The following ATXN3 variants were observed in gnomAD, a reference collection of about 807,000 sequenced individuals.
ATXN3 encodes the protein ataxin 3.
A neutral mutation model predicts 58.2 loss-of-function variants in ATXN3; 28 were observed. That is an observed-to-expected ratio of 0.48 (90% CI 0.36 to 0.66). The LOEUF (loss-of-function observed/expected upper bound fraction) is 0.66, where lower values mean the gene tolerates loss of function less well. ATXN3 is among the 30% of genes least tolerant of loss of function. The pLI, the probability that ATXN3 is intolerant of heterozygous loss-of-function variation, is 0.00. For synonymous variants in ATXN3, 113 were observed against 138.5 expected, an observed-to-expected ratio of 0.82 and a Z score of 1.29; for missense variants, 321 against 422.1, an observed-to-expected ratio of 0.76 and a Z score of 2.10.
At chr14:92,080,682 C>T (rs1260778920) in intron 9 of ATXN3, 15 of 370,814 alleles carry the variant, frequency 4.0e-5, no homozygotes, top group African/African-American at 2.3e-4. Context: ...TACAGGCGCA[C>T]GCTTCCATGC....
chr14:92,076,455 GA>G (rs374353802), intron 9 of ATXN3, among the ~76,000 whole-genome samples: 31,323 of 99,734 alleles, frequency 0.31, 3,353 homozygotes, highest in East Asian at 0.44. Flanking sequence ...TCTCAAAAAA[GA>G]AAAAAAAAAA....
At position 92,104,386 on chromosome 14, in the gene ATXN3, C is replaced by T. The variant is rs146706522; in HGVS notation, c.24+2143G>A. ...CAAACTACTGACCTCATGATCCGCC[C>T]GTCTGGGCCTCCCAAAGCACTGGTG... On this transcript the variant is annotated intron_variant, in intron 1 of 10. Coordinates refer to ENST00000644486, the MANE Select transcript of ATXN3 (RefSeq NM_004993.6). Among the ~76,000 whole-genome samples the T allele has an allele frequency of 2.0e-3, 298 of 152,210 alleles. 1 individual carries two copies. The highest frequency in any genetic ancestry group is 6.0e-3 in the African/African-American group (251 of 41,552).
At chr14:92,049,130 T>C (rs1014846231) in intron 1 of ATXN3, among the ~76,000 whole-genome samples, 4 of 152,096 alleles carry the variant, frequency 2.6e-5, no homozygotes, top group African/African-American at 9.7e-5. Flanking sequence ...GCTTTTAGGT[T>C]TTAGGTCAGG....
rs144550842 is a variant in ATXN3, at chr14:92,087,641, G to A, written c.475+1089C>T. On this transcript the variant is annotated intron_variant, in intron 6 of 10. Transcript: ENST00000644486. ...TGATGGAGGGAGAGAGGGGAAACAC[G>A]TTGAAGAATGCAATGGAGTGATTAT... Among the ~76,000 whole-genome samples the A allele has an allele frequency of 5.3e-5, 8 of 152,294 alleles. No individual in the cohort carries two copies. The East Asian group carries it at 9.6e-4, about 18-fold the overall frequency.
Position 92,096,849 on chromosome 14 carries a change from CA to C in ATXN3, c.25-12del. The C allele has an allele frequency of 1.9e-6, 3 of 1,607,754 alleles. No individual in the cohort carries two copies. Among genetic ancestry groups the C allele is most frequent in the Non-Finnish European group, 2.6e-6 (3 of 1,176,152 alleles). On this transcript the variant is annotated splice_polypyrimidine_tract_variant and intron_variant, in intron 1 of 10. Coordinates refer to ENST00000644486, the MANE Select transcript of ATXN3 (RefSeq NM_004993.6). The stretch of plus-strand genomic sequence containing the variant: ...AAGTGAGCCTTCTTGCTAATATTTC[CA>C]AAAGAAAAAATTAAAATGTGACTTG...
chr14:92,094,360 C>T (rs992685573), intron 3 of ATXN3, among the ~76,000 whole-genome samples: 1 of 152,314 alleles, frequency 6.6e-6, no homozygotes, highest in African/African-American at 2.4e-5. Context: ...GAAAACCACA[C>T]AATTCCTAAA....
intron 3 of ATXN3, among the ~76,000 whole-genome samples, chr14:92,095,375 C>A (rs1172682647): frequency 6.6e-6 from 1 of 151,922 alleles, no homozygotes; most frequent in African/African-American, 2.4e-5. Context: ...TCCCGAGTAG[C>A]TGGGATTACA....
At chr14:92,053,495 T>TC (rs2057455359), upstream of ATXN3, among the ~76,000 whole-genome samples, 2 of 150,800 alleles carry the variant, frequency 1.3e-5, no homozygotes, top group Middle Eastern at 3.2e-3. Flanking sequence ...TTTCTTTCTT[T>TC]TTTTTTTTTT....
intron 5 of ATXN3, among the ~76,000 whole-genome samples, chr14:92,091,229 T>A (rs2063718056): frequency 6.6e-6 from 1 of 152,084 alleles, no homozygotes; most frequent in Non-Finnish European, 1.5e-5. Context: ...GACGGACGGA[T>A]CACCTGAGGT....
chr14:92,075,484 T>C lies in ATXN3; in HGVS notation c.873-4431A>G, dbSNP rs188041208. Among the ~76,000 whole-genome samples, 140 of 152,342 alleles carry C rather than the reference T, an allele frequency of 9.2e-4. 3 individuals are homozygous for C. The highest frequency in any genetic ancestry group is 4.4e-5 in the Non-Finnish European group (3 of 68,038). On this transcript the variant is annotated intron_variant, in intron 9 of 10. Transcript: ENST00000644486. Reference sequence around the variant, plus strand: ...GCCCAGCCAAAACTAGTTTTTTTAATGCATGAAAACTATGATTACTTTATG... The same window carrying C: ...GCCCAGCCAAAACTAGTTTTTTTAACGCATGAAAACTATGATTACTTTATG...
At chr14:92,074,504 T>C (rs1290219129) in intron 9 of ATXN3, among the ~76,000 whole-genome samples, 1 of 152,228 alleles carries the variant, frequency 6.6e-6, no homozygotes. Context: ...GGCAGCTTTC[T>C]ATGCCAAGGA....
intron 4 of ATXN3, 187 bp downstream of exon 4, chr14:92,093,559 G>A (rs145536391): frequency 1.5e-3 from 984 of 638,914 alleles, no homozygotes; most frequent in Middle Eastern, 5.6e-3. Flanking sequence ...CAGACACTGG[G>A]GTGCCAGGAA....
intron 9 of ATXN3, among the ~76,000 whole-genome samples, chr14:92,076,533 G>C (rs1482753186): frequency 6.7e-6 from 1 of 149,808 alleles, no homozygotes. Flanking sequence ...TTAAGTAAAA[G>C]AGCAGTTTAT....
chr14:92,077,352 CTT>C (rs111249502), intron 9 of ATXN3, among the ~76,000 whole-genome samples: 12 of 147,422 alleles, frequency 8.1e-5, no homozygotes, highest in Admixed American at 1.4e-4. Flanking sequence ...AGTATGCTTT[CTT>C]TTTTTTTTTT....
chr14:92,062,716 A>C lies in ATXN3; in HGVS notation c.*1604T>G, dbSNP rs1462111055. 3 of 152,488 alleles carry C rather than the reference A, an allele frequency of 2.0e-5. No homozygotes were observed. Among genetic ancestry groups the C allele is most frequent in the Non-Finnish European group, 4.4e-5 (3 of 68,024 alleles). The allele number at this position is 152,488 out of a possible 1,614,324, so 9.4% of individuals were successfully genotyped here. ...GAAAACTGATTGGCACAAAATAATG[A>C]CTTAAAAAATCTGTTATATCGAAGA... is the stretch of plus-strand genomic sequence containing the variant. On this transcript the variant is annotated 3_prime_UTR_variant, in exon 11 of 11. Coordinates refer to ENST00000644486, the MANE Select transcript of ATXN3 (RefSeq NM_004993.6).
intron 7 of ATXN3, among the ~76,000 whole-genome samples, chr14:92,082,674 G>C (rs548985761): frequency 7.7e-4 from 112 of 146,120 alleles, no homozygotes; most frequent in African/African-American, 2.8e-3. Flanking sequence ...TTTGAGACAG[G>C]GTCTGACTCT....
chr14:92,094,341 G>A (rs543859927), intron 3 of ATXN3, among the ~76,000 whole-genome samples: 1 of 152,206 alleles, frequency 6.6e-6, no homozygotes, highest in South Asian at 2.1e-4. Context: ...AGGTCTCTGA[G>A]ATGTTCCAGA....
chr14:92,093,900 G>T, intron 3 of ATXN3, 69 bp from the exon 4 acceptor site: 4 of 881,404 alleles, frequency 4.5e-6, no homozygotes, highest in Non-Finnish European at 7.5e-6. Flanking sequence ...GTGTAGCTAT[G>T]TTAGTTGTGT....
Position 92,091,065 on chromosome 14 carries a change from G to A in ATXN3, c.387+2187C>T, listed in dbSNP as rs112737075. 5.2e-3 allele frequency among the ~76,000 whole-genome samples: 785 copies of A among 151,064 alleles called. 12 individuals carry two copies. The highest frequency in any genetic ancestry group is 0.036 in the South Asian group (169 of 4,746). On this transcript the variant is annotated intron_variant, in intron 5 of 10. Coordinates refer to ENST00000644486, the MANE Select transcript of ATXN3 (RefSeq NM_004993.6). Reference sequence around the variant, plus strand: ...CTCCTAAAGTGCTGGGATTACAGGCGTGAACCACTGCACCCAGCTAGCCTC... The same window carrying A: ...CTCCTAAAGTGCTGGGATTACAGGCATGAACCACTGCACCCAGCTAGCCTC...
Sources: gnomAD v4.1 joint callset for allele counts (sites outside exome capture counted in the v4.1 genomes callset) on GRCh38, gnomAD v4.1.1 for gene constraint, MANE v1.5 for transcripts, NCBI Gene and HGNC (gene_info 2026-07-23, HGNC 2026-07-21) for gene names.